The following CSMD3 variants were observed in gnomAD, a reference collection of about 807,000 sequenced individuals.
The protein encoded by CSMD3 is CUB and sushi domain-containing protein 3.
CSMD3 carries 177 observed loss-of-function variants against 435.2 expected under a neutral mutation model. That is an observed-to-expected ratio of 0.41 (90% CI 0.36 to 0.46). The LOEUF is 0.46. CSMD3 is among the 20% of genes least tolerant of loss of function. The probability of loss-of-function intolerance (pLI) is 0.34; values close to 1 mark genes in which losing one functional copy is unlikely to be tolerated. For synonymous variants in CSMD3, 1,656 were observed against 1,520.5 expected, an observed-to-expected ratio of 1.09 and a Z score of -2.07; for missense variants, 4,265 against 4,504.6, an observed-to-expected ratio of 0.95 and a Z score of 1.52.
At chr8:112,318,385 T>G (rs1406184763) in intron 47 of CSMD3, among the ~76,000 whole-genome samples, 2 of 152,082 alleles carry the variant, frequency 1.3e-5, no homozygotes, top group African/African-American at 4.8e-5. Context: ...CGAGGGCCAC[T>G]TAAAATTTAT....
At chr8:113,285,586 T>C (rs2093641301) in intron 2 of CSMD3, among the ~76,000 whole-genome samples, 1 of 152,150 alleles carries the variant, frequency 6.6e-6, no homozygotes, top group Admixed American at 6.6e-5. Flanking sequence ...TAGCGAAAAC[T>C]GCACTGGTTA....
intron 3 of CSMD3, among the ~76,000 whole-genome samples, chr8:113,232,450 T>C (rs2093099301): frequency 1.3e-5 from 2 of 151,710 alleles, no homozygotes; most frequent in Admixed American, 1.3e-4. Flanking sequence ...TATTAAAATG[T>C]GTAATCTCAC....
In CSMD3 at chr8:112,709,350, C is replaced by A. The variant is rs539813775; in HGVS notation, c.1973-19300G>T. ...CACATATTTTCTAAAGCTTATTTGA[C>A]CCCGCGGCCATCTGTTCACTGAGTA... On this transcript the variant is annotated intron_variant, in intron 13 of 70. Transcript: ENST00000297405. Among the ~76,000 whole-genome samples, 75 of 152,084 alleles carry A rather than the reference C, an allele frequency of 4.9e-4. 1 individual carries two copies. In the South Asian group the frequency reaches 0.015, roughly 31 times the overall value.
intron 64 of CSMD3, among the ~76,000 whole-genome samples, 182 bp downstream of exon 64, chr8:112,246,834 TAGAG>T (rs1453328709): frequency 3.0e-4 from 45 of 152,152 alleles, no homozygotes; most frequent in Admixed American, 2.9e-3. Context: ...CTGACTTACT[TAGAG>T]AGTGCTTCCC....
intron 53 of CSMD3, among the ~76,000 whole-genome samples, chr8:112,298,066 C>CAAAA (rs35232021): frequency 9.6e-4 from 90 of 93,462 alleles, no homozygotes; most frequent in East Asian, 2.0e-3. Flanking sequence ...TGCCATTGCA[C>CAAAA]AAAAAAAAAA....
chr8:112,683,368 C>T (rs2075943434), intron 15 of CSMD3, among the ~76,000 whole-genome samples: 1 of 151,856 alleles, frequency 6.6e-6, no homozygotes, highest in Non-Finnish European at 1.5e-5. Flanking sequence ...AAATGTATCC[C>T]CTGGACCGGA....
At chr8:113,366,720 C>T (rs1400695616) in intron 1 of CSMD3, among the ~76,000 whole-genome samples, 4 of 152,124 alleles carry the variant, frequency 2.6e-5, no homozygotes, top group Admixed American at 2.6e-4. Context: ...TCAGTTTGCT[C>T]ATTTACATGA....
intron 13 of CSMD3, among the ~76,000 whole-genome samples, chr8:112,761,351 A>G (rs1024420666): frequency 7.2e-5 from 11 of 152,168 alleles, no homozygotes; most frequent in African/African-American, 2.4e-4. Flanking sequence ...ATGTTTTTAG[A>G]AAAGTATGTA....
chr8:113,338,427 G>A (rs80260987), intron 1 of CSMD3, among the ~76,000 whole-genome samples: 1 of 151,978 alleles, frequency 6.6e-6, no homozygotes, highest in South Asian at 2.1e-4. Flanking sequence ...TACTCTACTT[G>A]CATACGAATG....
At chr8:112,643,489 A>G (rs1321739220) in intron 20 of CSMD3, 8 of 170,300 alleles carry the variant, frequency 4.7e-5, no homozygotes. Context: ...CTACGTCCGC[A>G]TCTCTTGCCA....
intron 13 of CSMD3, among the ~76,000 whole-genome samples, chr8:112,725,868 T>C (rs1184118235): frequency 6.6e-6 from 1 of 151,938 alleles, no homozygotes. Context: ...AAACATGAGA[T>C]TGCAACCTGT....
intron 13 of CSMD3, among the ~76,000 whole-genome samples, chr8:112,780,263 T>A (rs2078350391): frequency 6.6e-6 from 1 of 152,040 alleles, no homozygotes; most frequent in South Asian, 2.1e-4. Flanking sequence ...AGTGTATAGT[T>A]CCCCATTGGC....
intron 3 of CSMD3, among the ~76,000 whole-genome samples, chr8:113,261,782 C>A (rs1327292210): frequency 6.6e-6 from 1 of 151,916 alleles, no homozygotes; most frequent in Non-Finnish European, 1.5e-5. Flanking sequence ...TGAAAGACAC[C>A]TCCAAACATT....
At chr8:112,951,496 T>C (rs760712502) in intron 8 of CSMD3, among the ~76,000 whole-genome samples, 1 of 151,928 alleles carries the variant, frequency 6.6e-6, no homozygotes, top group Non-Finnish European at 1.5e-5. Flanking sequence ...TAAAAATTAA[T>C]TTAAATTTTT....
At chr8:113,345,775 G>T (rs975649265) in intron 1 of CSMD3, among the ~76,000 whole-genome samples, 2 of 152,022 alleles carry the variant, frequency 1.3e-5, no homozygotes, top group African/African-American at 4.8e-5. Flanking sequence ...CCTATCTTCA[G>T]TTGAAGAGAC....
At chr8:112,382,361 G>C (rs557514725) in intron 37 of CSMD3, among the ~76,000 whole-genome samples, 2 of 150,164 alleles carry the variant, frequency 1.3e-5, no homozygotes, top group Non-Finnish European at 3.0e-5. Flanking sequence ...ATAAAAGTGT[G>C]CTAAAATTGT....
chr8:113,026,026 C>T (rs2086863111), intron 5 of CSMD3, among the ~76,000 whole-genome samples: 1 of 152,110 alleles, frequency 6.6e-6, no homozygotes, highest in South Asian at 2.1e-4. Context: ...TAGTGATGTG[C>T]TATAGCACCC....
intron 12 of CSMD3, among the ~76,000 whole-genome samples, chr8:112,806,922 G>T (rs752745866): frequency 2.0e-5 from 3 of 152,092 alleles, no homozygotes; most frequent in Non-Finnish European, 4.4e-5. Flanking sequence ...TAGGAGATTC[G>T]AAATCAAACC....
chr8:112,645,946 G>A (rs1282934711), intron 19 of CSMD3, among the ~76,000 whole-genome samples: 1 of 152,112 alleles, frequency 6.6e-6, no homozygotes, highest in Non-Finnish European at 1.5e-5. Context: ...TTATTCTAGT[G>A]TGAGCAGAGA....
Sources: gnomAD v4.1 joint callset for allele counts (sites outside exome capture counted in the v4.1 genomes callset) on GRCh38, gnomAD v4.1.1 for gene constraint, MANE v1.5 for transcripts, NCBI Gene and HGNC (gene_info 2026-07-23, HGNC 2026-07-21) for gene names.